NOP58: variants seen among roughly 807,000 people sequenced by gnomAD.
NOP58 encodes the protein NOP58 ribonucleoprotein.
NOP58 carries 44 observed loss-of-function variants against 71.2 expected under a neutral mutation model. The ratio of observed to expected loss-of-function variants is 0.62; its 90% confidence interval spans 0.49 to 0.79. The LOEUF is 0.79. NOP58 is among the 30% of genes least tolerant of loss of function. The pLI is 0.00. For synonymous variants in NOP58, 228 were observed against 200.3 expected (o/e 1.14, Z -1.17); for missense variants, 538 against 620.2 (o/e 0.87, Z 1.41).
intron 3 of NOP58, among the ~76,000 whole-genome samples, chr2:202,279,133 A>G (rs912948765): frequency 1.3e-5 from 2 of 152,212 alleles, no homozygotes; most frequent in African/African-American, 4.8e-5. Context: ...GCTGTATTCA[A>G]ACTCTAGGGG....
chr2:202,273,879 G>A (rs1223898706), intron 1 of NOP58, among the ~76,000 whole-genome samples: 2 of 151,670 alleles, frequency 1.3e-5, no homozygotes, highest in East Asian at 3.9e-4. Flanking sequence ...GGAGGCGGAG[G>A]CTGCAGTGTG....
rs771268418 is a variant in NOP58 at position 202,284,445 on chromosome 2, G to A, written c.398G>A (p.Arg133His). ...MDGLIPGVEP[R>H]EMAAMCLGLA... ...GGATTAATCCCTGGGGTAGAACCAC[G>A]TGAAATGGCAGCTATGTGTCTTGGA... The change falls in exon 5 of 15, where the codon CGT becomes CAT. Residue 133 changes from arginine (R) to histidine (H), a missense_variant. Transcript: ENST00000264279. 2.3e-5 allele frequency: 37 copies of A among 1,613,864 alleles called. No homozygotes were observed. Among genetic ancestry groups the A allele is most frequent in the Non-Finnish European group, 3.1e-5 (36 of 1,179,978 alleles).
intron 13 of NOP58, 107 bp downstream of exon 13, chr2:202,300,474 C>T (rs944743826): frequency 2.4e-6 from 2 of 840,986 alleles, no homozygotes; most frequent in Non-Finnish European, 1.9e-6. Context: ...TAAAACTGCT[C>T]ATTGAACGCT....
intron 12 of NOP58, 88 bp from the exon 13 acceptor site, chr2:202,300,146 T>C: frequency 8.9e-7 from 1 of 1,127,998 alleles, no homozygotes; most frequent in South Asian, 1.4e-5. Flanking sequence ...ATGTAAGTAT[T>C]ATCTAATGGC....
At position 202,295,665 on chromosome 2, in the gene NOP58, C is replaced by T. The variant is rs1228841031; in HGVS notation, c.908-9C>T. The T allele has an allele frequency of 1.3e-6, 2 of 1,551,150 alleles. No individual in the cohort carries two copies. Among genetic ancestry groups the T allele is most frequent in the Non-Finnish European group, 1.7e-6 (2 of 1,150,358 alleles). Reference sequence around the variant, plus strand: ...GAGGTGCATTCTTTGTAACTTTTTTCTTTTGTAGGTTCTCTTTTAAATTTG... The same window carrying T: ...GAGGTGCATTCTTTGTAACTTTTTTTTTTTGTAGGTTCTCTTTTAAATTTG... On this transcript the variant is annotated splice_polypyrimidine_tract_variant and intron_variant, in intron 9 of 14. Transcript: ENST00000264279.
Position 202,297,521 on chromosome 2 carries a change from C to G in NOP58, c.1206+8C>G, listed in dbSNP as rs1689014488. 1 of 1,610,922 alleles carries G rather than the reference C, an allele frequency of 6.2e-7. No homozygotes were observed. The highest frequency in any genetic ancestry group is 8.5e-7 in the Non-Finnish European group (1 of 1,178,828). On this transcript the variant is annotated splice_region_variant and intron_variant, in intron 11 of 14. Coordinates refer to ENST00000264279, the MANE Select transcript of NOP58 (RefSeq NM_015934.5). The stretch of plus-strand genomic sequence containing the variant: ...ACTTTGGAAGACAGAGGGGTAAGAA[C>G]TACATCATGCCTATTCCAGAAGTAT...
chr2:202,282,268 ATTTTT>A (rs1688718139), intron 3 of NOP58, 78 bp from the exon 4 acceptor site: 3 of 1,156,974 alleles, frequency 2.6e-6, no homozygotes, highest in South Asian at 3.0e-5. Flanking sequence ...GGCCTATTTT[ATTTTT>A]TTAAGTGTCA....
At position 202,287,538 on chromosome 2, in the gene NOP58, A is replaced by G. The variant is rs547066456; in HGVS notation, c.435-122A>G. On this transcript the variant is annotated intron_variant, in intron 5 of 14. Transcript: ENST00000264279. The stretch of plus-strand genomic sequence containing the variant: ...CTGATTTTTCTTCTTAGAAAAACCA[A>G]TTACAGCTCTGACTACAGGCTGATT... The G allele has an allele frequency of 3.1e-4, 207 of 665,572 alleles. 1 individual carries two copies. In the African/African-American group the frequency reaches 3.2e-3, roughly 10 times the overall value. 41.2% of individuals were successfully genotyped at this position (665,572 alleles called of 1,614,324 possible).
chr2:202,303,452 A>T lies in NOP58; in HGVS notation c.*16A>T, dbSNP rs1034671151. 1.2e-6 allele frequency: 2 copies of T among 1,605,132 alleles called. No homozygotes were observed. The highest frequency in any genetic ancestry group is 1.7e-6 in the Non-Finnish European group (2 of 1,175,556). On this transcript the variant is annotated 3_prime_UTR_variant, in exon 15 of 15. Transcript: ENST00000264279. The stretch of plus-strand genomic sequence containing the variant: ...CGAGGATTAACAGAAAGGAATTACG[A>T]TTATATCACCCGGACACACATCATG...
At position 202,275,159 on chromosome 2, in the gene NOP58, A is replaced by C. The variant is rs1423409650; in HGVS notation, c.92A>C (p.Glu31Ala). The C allele has an allele frequency of 6.4e-7, 1 of 1,573,738 alleles. No homozygotes were observed. The highest frequency in any genetic ancestry group is 8.7e-7 in the Non-Finnish European group (1 of 1,152,336). ...KLQEVDSLWK[E>A]FETPEKANKI... ...CAAGAGGTTGATAGTTTATGGAAAG[A>C]ATTTGAAACTCCAGAGAAAGCAAAC... is the stretch of plus-strand genomic sequence containing the variant. Residue 31 changes from glutamate to alanine, a missense_variant, in exon 2 of 15, where the codon GAA becomes GCA. Transcript: ENST00000264279.
chr2:202,292,645 A>G (rs1688923007), intron 8 of NOP58, 132 bp from the exon 9 acceptor site: 2 of 665,540 alleles, frequency 3.0e-6, no homozygotes, highest in Non-Finnish European at 5.2e-6. Context: ...GATGTTAGGC[A>G]TAGGTGATGT....
intron 10 of NOP58, among the ~76,000 whole-genome samples, chr2:202,296,148 A>G (rs967161257): frequency 4.6e-5 from 7 of 152,134 alleles, no homozygotes; most frequent in African/African-American, 1.7e-4. Context: ...ACATTTACGA[A>G]TCATAAAAAA....
At chr2:202,291,806 C>CAAAAA (rs1161178890) in intron 8 of NOP58, among the ~76,000 whole-genome samples, 9 of 41,878 alleles carry the variant, frequency 2.1e-4, no homozygotes, top group South Asian at 1.3e-3. Flanking sequence ...AACTCCATCT[C>CAAAAA]AAAAAAAAAA....
chr2:202,284,566 T>C, intron 5 of NOP58, 85 bp downstream of exon 5: 1 of 1,382,382 alleles, frequency 7.2e-7, no homozygotes, highest in Non-Finnish European at 1.0e-6. Flanking sequence ...TTACAAATGC[T>C]CATTTGAACC....
chr2:202,287,760 C>G, intron 6 of NOP58, 36 bp downstream of exon 6: 1 of 1,435,132 alleles, frequency 7.0e-7, no homozygotes, highest in Non-Finnish European at 9.8e-7. Context: ...ATTTGTTGCT[C>G]TGTCCTTCAT....
At chr2:202,270,142 A>G (rs949358479) in intron 1 of NOP58, among the ~76,000 whole-genome samples, 7 of 152,242 alleles carry the variant, frequency 4.6e-5, no homozygotes, top group African/African-American at 1.7e-4. Flanking sequence ...ATCCAGTTTT[A>G]TAGTACACTT....
At chr2:202,295,164 T>A (rs948795852) in intron 9 of NOP58, among the ~76,000 whole-genome samples, 1 of 152,188 alleles carries the variant, frequency 6.6e-6, no homozygotes, top group Non-Finnish European at 1.5e-5. Context: ...TCCTTTTTAA[T>A]ATTTTCAGAC....
chr2:202,268,147 G>T (rs1378726001), intron 1 of NOP58, among the ~76,000 whole-genome samples: 1 of 152,114 alleles, frequency 6.6e-6, no homozygotes, highest in East Asian at 1.9e-4. Flanking sequence ...AAATTAATAT[G>T]ATATATGGTG....
At chr2:202,296,050 C>A (rs559213963) in intron 10 of NOP58, among the ~76,000 whole-genome samples, 9 of 151,124 alleles carry the variant, frequency 6.0e-5, no homozygotes, top group Non-Finnish European at 1.2e-4. Flanking sequence ...CCAGTTTCTT[C>A]CATTGTGTTA....
Sources: gnomAD v4.1 joint callset for allele counts (sites outside exome capture counted in the v4.1 genomes callset) on GRCh38, gnomAD v4.1.1 for gene constraint, MANE v1.5 for transcripts, NCBI Gene and HGNC (gene_info 2026-07-23, HGNC 2026-07-21) for gene names.